SLC19A1: variants seen among roughly 807,000 people sequenced by gnomAD.
SLC19A1 encodes solute carrier family 19 member 1, also known as reduced folate transporter.
A neutral mutation model predicts 35.3 loss-of-function variants in SLC19A1; 37 were observed. The ratio of observed to expected loss-of-function variants is 1.05; its 90% CI spans 0.81 to 1.38. The LOEUF (loss-of-function observed/expected upper bound fraction) is 1.38. SLC19A1 is among the 40% of genes most tolerant of loss of function. The probability of loss-of-function intolerance (pLI) is 0.00; values close to 1 mark genes in which losing one functional copy is unlikely to be tolerated. For synonymous variants in SLC19A1, 460 were observed against 398.5 expected (o/e 1.15, Z -1.84); for missense variants, 831 against 826.9 (o/e 1.00, Z -0.06).
downstream of SLC19A1, among the ~76,000 whole-genome samples, chr21:45,508,463 A>ATGG (rs1602640340): frequency 8.4e-4 from 60 of 71,710 alleles, no homozygotes; most frequent in South Asian, 2.1e-3. Context: ...GGATGGGTGG[A>ATGG]TGGACAGGTG....
Position 45,532,122 on chromosome 21 carries a change from C to G in SLC19A1, c.216G>C (p.Leu72=), listed in dbSNP as rs2077949932. The G allele has an allele frequency of 6.2e-7, 1 of 1,608,196 alleles. No individual in the cohort carries two copies. Among genetic ancestry groups the G allele is most frequent in the African/African-American group, 1.3e-5 (1 of 74,864 alleles). ...CCAGCACGGCCAGGTAGGAGTACGA[C>G]AGCACCGGCGTGATCTCGTTCGTGA... ...EQVTNEITPV[L]SYSYLAVLVP... The change falls in exon 3 of 6, where the codon CTG becomes CTC. Residue 72 remains leucine (L), a synonymous_variant. Transcript: ENST00000311124.
downstream of SLC19A1, chr21:45,509,477 G>A (rs2037442395): frequency 9.2e-6 from 14 of 1,525,774 alleles, no homozygotes; most frequent in Admixed American, 1.9e-5. Flanking sequence ...ATCCTGGCCA[G>A]CCCCCCTCGC....
At chr21:45,560,991 G>GA (rs1358781744) in intron 1 of SLC19A1, among the ~76,000 whole-genome samples, 1 of 152,234 alleles carries the variant, frequency 6.6e-6, no homozygotes, top group East Asian at 1.9e-4. Flanking sequence ...CCTTAGAAAC[G>GA]AAGCTGCTTC....
At chr21:45,529,052 G>A (rs1354020391) in intron 4 of SLC19A1, among the ~76,000 whole-genome samples, 2 of 152,244 alleles carry the variant, frequency 1.3e-5, no homozygotes, top group Non-Finnish European at 2.9e-5. Flanking sequence ...GCAGGTCAGT[G>A]GGGGGGCCCA....
chr21:45,508,584 G>T (rs1038126966), downstream of SLC19A1, among the ~76,000 whole-genome samples: 1 of 152,172 alleles, frequency 6.6e-6, no homozygotes. Context: ...TCCAGCTGCT[G>T]TCGGCCCCTC....
downstream of SLC19A1, chr21:45,511,197 C>T (rs746082685): frequency 1.2e-5 from 19 of 1,593,192 alleles, no homozygotes; most frequent in Middle Eastern, 1.7e-4. Flanking sequence ...TCTCCTTTGA[C>T]GGCAAGGACG....
intron 1 of SLC19A1, among the ~76,000 whole-genome samples, chr21:45,556,982 C>T (rs1040603649): frequency 1.5e-4 from 23 of 152,254 alleles, no homozygotes; most frequent in East Asian, 5.8e-4. Context: ...TCTCCTGGGA[C>T]GGCGCCTCAG....
intron 1 of SLC19A1, among the ~76,000 whole-genome samples, chr21:45,558,793 G>T (rs2078587589): frequency 6.9e-6 from 1 of 144,842 alleles, no homozygotes; most frequent in Non-Finnish European, 1.5e-5. Context: ...CAGTTAAATT[G>T]AATTTTCTTT....
At position 45,539,284 on chromosome 21, in the gene SLC19A1, G is replaced by A. The variant is rs548580734; in HGVS notation, c.-49-1276C>T. Among the ~76,000 whole-genome samples, 5 of 152,236 alleles carry A rather than the reference G, an allele frequency of 3.3e-5. No homozygotes were observed. In the South Asian group the frequency reaches 6.2e-4, roughly 19 times the overall value. Reference sequence around the variant, plus strand: ...GCTCCCGGAGGCCAGGCCTGGCAGAGTGCACGTGGAAAGGCCATCTGCTGC... The same window carrying A: ...GCTCCCGGAGGCCAGGCCTGGCAGAATGCACGTGGAAAGGCCATCTGCTGC... On this transcript the variant is annotated intron_variant, in intron 1 of 5. Coordinates refer to ENST00000311124, the MANE Select transcript of SLC19A1 (RefSeq NM_194255.4).
rs1046622889 is a variant in SLC19A1, at chr21:45,523,692, C to T, written c.1293+2125G>A. Among the ~76,000 whole-genome samples, 50 of 152,166 alleles carry T rather than the reference C, an allele frequency of 3.3e-4. 1 individual carries two copies. The highest frequency in any genetic ancestry group is 3.3e-3 in the Admixed American group (50 of 15,280). ...CAGAGGGATGGAGGTGGGGCGGCAACGGTAGTCAGGGGCAGTCAGCACCCA... is the reference window on the plus strand; with the variant it reads ...CAGAGGGATGGAGGTGGGGCGGCAATGGTAGTCAGGGGCAGTCAGCACCCA... On this transcript the variant is annotated intron_variant, in intron 5 of 5. Coordinates refer to ENST00000311124, the MANE Select transcript of SLC19A1 (RefSeq NM_194255.4).
At chr21:45,561,524 G>C (rs2078614855) in intron 1 of SLC19A1, among the ~76,000 whole-genome samples, 1 of 152,164 alleles carries the variant, frequency 6.6e-6, no homozygotes, top group African/African-American at 2.4e-5. Flanking sequence ...ACATTGGGAG[G>C]CTGAGGTGGG....
intron 5 of SLC19A1, among the ~76,000 whole-genome samples, chr21:45,520,422 C>A (rs1262257856): frequency 1.3e-5 from 2 of 152,054 alleles, no homozygotes; most frequent in African/African-American, 4.8e-5. Context: ...CGTAGAAAAT[C>A]TCAAGGAATT....
chr21:45,504,998 CG>C, intron 3 of SLC19A1: 1 of 1,101,320 alleles, frequency 9.1e-7, no homozygotes, highest in East Asian at 2.6e-5. Context: ...CAGGCTATGG[CG>C]TGGGCAGGGA....
At position 45,530,540 on chromosome 21, in the gene SLC19A1, G is replaced by C. The variant is rs968270158; in HGVS notation, c.1151+230C>G. Among the ~76,000 whole-genome samples, 2 of 152,164 alleles carry C rather than the reference G, an allele frequency of 1.3e-5. No homozygotes were observed. The highest frequency in any genetic ancestry group is 4.8e-5 in the African/African-American group (2 of 41,432). On this transcript the variant is annotated intron_variant, in intron 4 of 5. Transcript: ENST00000311124. This position sits in a 1 kb window ranked among gnomAD's most constrained non-coding sequence, Gnocchi z 5.3. Reference sequence around the variant, plus strand: ...CAGGGCAAGGCTGTGAGCCCAGCAGGCTTCAGAGAGGAGCGTGGAGGGCCT... The same window carrying C: ...CAGGGCAAGGCTGTGAGCCCAGCAGCCTTCAGAGAGGAGCGTGGAGGGCCT...
chr21:45,538,218 G>A (rs1308900040), intron 1 of SLC19A1, among the ~76,000 whole-genome samples: 1 of 152,244 alleles, frequency 6.6e-6, no homozygotes, highest in Non-Finnish European at 1.5e-5. Context: ...AGGCCAGGCT[G>A]TCACCACCTC....
intron 1 of SLC19A1, among the ~76,000 whole-genome samples, chr21:45,552,468 C>A (rs1460330938): frequency 6.6e-6 from 1 of 152,138 alleles, no homozygotes; most frequent in African/African-American, 2.4e-5. Flanking sequence ...GAGAGCGACA[C>A]CCACCCGGAG....
downstream of SLC19A1, chr21:45,512,161 T>C: frequency 6.3e-7 from 1 of 1,599,736 alleles, no homozygotes; most frequent in Non-Finnish European, 8.5e-7. Context: ...GGTCTGGGTT[T>C]GACTGACGGC....
At chr21:45,537,719 T>TGGGGGGGGGGCCCCCCCCCCCC in intron 2 of SLC19A1, 52 bp downstream of exon 2, 1 of 319,776 alleles carries the variant, frequency 3.1e-6, no homozygotes, top group South Asian at 5.5e-5. Flanking sequence ...CAGACGCTGC[T>TGGGGGGGGGGCCCCCCCCCCCC]CCCCGCCCAC....
downstream of SLC19A1, among the ~76,000 whole-genome samples, chr21:45,510,422 C>T (rs967826563): frequency 6.6e-6 from 1 of 152,160 alleles, no homozygotes; most frequent in Non-Finnish European, 1.5e-5. Flanking sequence ...GGGTGGGTCA[C>T]ACCCCTCCAG....
Sources: gnomAD v4.1 joint callset for allele counts (sites outside exome capture counted in the v4.1 genomes callset) on GRCh38, gnomAD v4.1.1 for gene constraint, Gnocchi (gnomAD v3.1) non-coding constraint, MANE v1.5 for transcripts, NCBI Gene and HGNC (gene_info 2026-07-23, HGNC 2026-07-21) for gene names.